ZZZ3: variants seen among roughly 807,000 people sequenced by gnomAD.
ZZZ3 encodes the protein zinc finger ZZ-type containing 3, also known as ZZ-type zinc finger-containing protein 3.
Under a neutral mutation model 95.2 loss-of-function variants are expected in ZZZ3, and 22 were observed. The observed-to-expected ratio is 0.23, with a 90% CI of 0.17 to 0.33. The LOEUF (loss-of-function observed/expected upper bound fraction) is 0.33, where lower values mean the gene tolerates loss of function less well. Among genes scored for constraint, ZZZ3 ranks in the 10% least tolerant of loss-of-function variants. The pLI is 1.00. For missense variants in ZZZ3, 885 were observed against 1,066.5 expected, an observed-to-expected ratio of 0.83 and a Z score of 2.37; for synonymous variants, 335 against 358.9, an observed-to-expected ratio of 0.93 and a Z score of 0.75.
At chr1:77,664,981 T>C (rs1402904222) in intron 1 of ZZZ3, among the ~76,000 whole-genome samples, 3 of 152,214 alleles carry the variant, frequency 2.0e-5, no homozygotes, top group African/African-American at 4.8e-5. Flanking sequence ...GGCATACTTT[T>C]TGTTACAACA....
intron 5 of ZZZ3, among the ~76,000 whole-genome samples, chr1:77,621,947 C>G (rs1666908395): frequency 6.6e-6 from 1 of 151,930 alleles, no homozygotes; most frequent in Admixed American, 6.5e-5. Flanking sequence ...TGATCCTTCC[C>G]TCCAACTAAA....
At chr1:77,577,196 T>C (rs1466540747) in intron 11 of ZZZ3, among the ~76,000 whole-genome samples, 1 of 152,196 alleles carries the variant, frequency 6.6e-6, no homozygotes, top group African/African-American at 2.4e-5. Context: ...CAAGCAATCA[T>C]TGTAAATATA....
chr1:77,577,618 T>A (rs1036725497), intron 11 of ZZZ3, among the ~76,000 whole-genome samples: 3 of 152,178 alleles, frequency 2.0e-5, no homozygotes, highest in African/African-American at 7.2e-5. Context: ...ATAACAGCAC[T>A]AGATATACTC....
At chr1:77,643,310 T>C (rs957055508) in intron 1 of ZZZ3, among the ~76,000 whole-genome samples, 3 of 152,336 alleles carry the variant, frequency 2.0e-5, no homozygotes, top group South Asian at 2.1e-4. Flanking sequence ...CCTCATTCAA[T>C]ATACATTTCA....
rs1660775589 is a variant in ZZZ3, at chr1:77,565,915, T to G, written c.2568-131A>C. On this transcript the variant is annotated intron_variant, in intron 14 of 14. Coordinates refer to ENST00000370801, the MANE Select transcript of ZZZ3 (RefSeq NM_015534.6). ...TCAAAATCTCCAACGGAAAGTTACT[T>G]GACATGTGGTATGATTACAGAAAAA... is the stretch of plus-strand genomic sequence containing the variant. 2.6e-6 allele frequency: 3 copies of G among 1,160,266 alleles called. No individual in the cohort carries two copies. In the Admixed American group the frequency reaches 8.5e-5, roughly 33 times the overall value. 71.9% of individuals were successfully genotyped at this position (1,160,266 alleles called of 1,614,324 possible). A position where few individuals can be genotyped will look rare whatever the true frequency, so the allele number is the denominator to read the frequency against.
At chr1:77,574,158 ATATATAGATATATATAGATT>A (rs1661695417) in intron 12 of ZZZ3, among the ~76,000 whole-genome samples, 1 of 148,086 alleles carries the variant, frequency 6.8e-6, no homozygotes, top group Admixed American at 6.8e-5. Flanking sequence ...ATATAGATTT[ATATATAGATATATATAGATT>A]TATATAGATA....
At chr1:77,581,215 T>C (rs1352995315) in intron 8 of ZZZ3, 146 bp from the exon 9 acceptor site, 1 of 655,312 alleles carries the variant, frequency 1.5e-6, no homozygotes, top group African/African-American at 1.8e-5. Flanking sequence ...GCTTTTTTTT[T>C]AACTGTTTAC....
rs1468306472 is a variant in ZZZ3 at position 77,581,056 on chromosome 1, C to T, written c.1922G>A (p.Arg641His). ...TTCAGGTTTGGTATCATCACACAAGCGTCCTCTTATCATCTGCACATAAGA... is the reference window on the plus strand; with the variant it reads ...TTCAGGTTTGGTATCATCACACAAGTGTCCTCTTATCATCTGCACATAAGA... ...SSSRPQMIRG[R>H]LCDDTKPETF... Residue 641 changes from arginine (R) to histidine (H), a missense_variant, in exon 9 of 15, where the codon CGC becomes CAC. Physicochemically the swap from Arg to His is conservative, Grantham distance 29. Transcript: ENST00000370801. The T allele has an allele frequency of 1.2e-6, 2 of 1,613,912 alleles. No individual in the cohort carries two copies. Among genetic ancestry groups the T allele is most frequent in the East Asian group, 2.2e-5 (1 of 44,888 alleles).
intron 8 of ZZZ3, among the ~76,000 whole-genome samples, chr1:77,581,371 C>T (rs1196562780): frequency 1.3e-5 from 2 of 152,134 alleles, no homozygotes; most frequent in Non-Finnish European, 2.9e-5. Context: ...CACTGAGGTT[C>T]ATCTAACTAA....
intron 13 of ZZZ3, among the ~76,000 whole-genome samples, 176 bp downstream of exon 13, chr1:77,568,156 G>T (rs1347897350): frequency 6.6e-6 from 1 of 152,074 alleles, no homozygotes; most frequent in Non-Finnish European, 1.5e-5. Flanking sequence ...GCACACACCT[G>T]TAATCCCAGC....
intron 12 of ZZZ3, among the ~76,000 whole-genome samples, chr1:77,571,860 T>C (rs1470107642): frequency 6.6e-6 from 1 of 152,202 alleles, no homozygotes; most frequent in African/African-American, 2.4e-5. Flanking sequence ...TGCACAATAA[T>C]GTGACTGTAC....
At chr1:77,623,061 G>T (rs1287311027) in intron 5 of ZZZ3, among the ~76,000 whole-genome samples, 4 of 152,050 alleles carry the variant, frequency 2.6e-5, no homozygotes. Context: ...CTACAAAACT[G>T]GAGAAAATAT....
chr1:77,665,053 T>A (rs1671134156), intron 1 of ZZZ3, among the ~76,000 whole-genome samples: 1 of 152,196 alleles, frequency 6.6e-6, no homozygotes, highest in Non-Finnish European at 1.5e-5. Flanking sequence ...CTAAAACCTG[T>A]GCTATCAGCC....
intron 5 of ZZZ3, among the ~76,000 whole-genome samples, chr1:77,607,740 G>A (rs556710071): frequency 3.3e-5 from 5 of 152,032 alleles, no homozygotes; most frequent in Non-Finnish European, 5.9e-5. Context: ...TGGCGAACAT[G>A]GTGAAACCTT....
chr1:77,616,889 TA>T (rs1322044731), intron 5 of ZZZ3, among the ~76,000 whole-genome samples: 1 of 151,782 alleles, frequency 6.6e-6, no homozygotes, highest in African/African-American at 2.4e-5. Flanking sequence ...ATAAATAAAA[TA>T]AAAATAAAAA....
chr1:77,659,749 A>C (rs1434073713), intron 1 of ZZZ3, among the ~76,000 whole-genome samples: 3 of 151,338 alleles, frequency 2.0e-5, no homozygotes, highest in Non-Finnish European at 4.4e-5. Context: ...GATTACCCAA[A>C]AAAAAAAAAA....
intron 1 of ZZZ3, among the ~76,000 whole-genome samples, chr1:77,668,958 C>G (rs1451718435): frequency 6.7e-6 from 1 of 150,200 alleles, no homozygotes; most frequent in Non-Finnish European, 1.5e-5. Flanking sequence ...TAATCAAAAC[C>G]AAAAACTGTA....
chr1:77,680,102 A>C (rs1672614585), intron 1 of ZZZ3, among the ~76,000 whole-genome samples: 1 of 152,244 alleles, frequency 6.6e-6, no homozygotes, highest in Non-Finnish European at 1.5e-5. Context: ...ACTTCTAAAA[A>C]TAATAATAAA....
At chr1:77,682,311 AGGAAC>A (rs1672853756) in intron 1 of ZZZ3, among the ~76,000 whole-genome samples, 1 of 152,232 alleles carries the variant, frequency 6.6e-6, no homozygotes, top group Non-Finnish European at 1.5e-5. Flanking sequence ...TTAAAGTAAG[AGGAAC>A]GGTATCCAAT....
Sources: allele counts gnomAD v4.1 joint callset (sites outside exome capture counted in the v4.1 genomes callset), GRCh38; gene constraint gnomAD v4.1.1; transcripts MANE v1.5; gene names NCBI Gene and HGNC (gene_info 2026-07-23, HGNC 2026-07-21).